Variants in CTNNAL1 observed in about 807,000 individuals in gnomAD.
The protein encoded by CTNNAL1 is catenin alpha like 1.
A neutral mutation model predicts 93.6 loss-of-function variants in CTNNAL1; 69 were observed. The observed-to-expected ratio is 0.74, with a 90% confidence interval of 0.61 to 0.90. The LOEUF is 0.90. Among genes scored for constraint, CTNNAL1 ranks in the 40% least tolerant of loss-of-function variants. CTNNAL1 has a pLI of 0.00. For synonymous variants in CTNNAL1, 286 were observed against 305.4 expected (o/e 0.94, Z 0.66); for missense variants, 836 against 862.0 (o/e 0.97, Z 0.38).
At chr9:108,981,488 A>C (rs1038299978) in intron 6 of CTNNAL1, among the ~76,000 whole-genome samples, 28 of 151,320 alleles carry the variant, frequency 1.9e-4, no homozygotes, top group East Asian at 3.9e-4. Context: ...AAAAAACAAA[A>C]AAAAAAAAAA....
chr9:108,968,283 G>T (rs1351717861), intron 10 of CTNNAL1, among the ~76,000 whole-genome samples: 7 of 152,334 alleles, frequency 4.6e-5, no homozygotes, highest in Middle Eastern at 3.4e-3. Context: ...TTATCCTTTT[G>T]TGAGGCAGAT....
chr9:108,972,578 G>A (rs1306062250), intron 9 of CTNNAL1, 97 bp downstream of exon 9: 2 of 1,094,464 alleles, frequency 1.8e-6, no homozygotes, highest in African/African-American at 3.2e-5. Context: ...AAAATGCTCA[G>A]ATAAATTAAC....
intron 4 of CTNNAL1, among the ~76,000 whole-genome samples, chr9:108,987,277 A>G (rs2132164615): frequency 6.6e-6 from 1 of 151,294 alleles, no homozygotes; most frequent in Middle Eastern, 3.4e-3. Context: ...ACCATTTATT[A>G]AATAGGGAAT....
chr9:108,963,487 A>G (rs530623656), intron 11 of CTNNAL1: 3 of 152,402 alleles, frequency 2.0e-5, no homozygotes, highest in Admixed American at 1.3e-4. Context: ...TGAAAACACT[A>G]TAGGAGATAC....
At chr9:108,988,137 G>A (rs11789547) in intron 4 of CTNNAL1, among the ~76,000 whole-genome samples, 33,310 of 152,062 alleles carry the variant, frequency 0.22, 4,501 homozygotes, top group East Asian at 0.31. Context: ...AGGCTGGAGC[G>A]CAGTGGCGTG....
In CTNNAL1 at chr9:108,955,816, C is replaced by A; in HGVS notation, c.1603G>T (p.Gly535Cys). Residue 535 changes from glycine to cysteine, a missense_variant, in exon 12 of 19, where the codon GGC becomes TGC. By Grantham distance (159) the Gly-to-Cys change is radical (BLOSUM62 -3). Transcript: ENST00000325551. ...VFEGRRGEKY[G>C]YLSLPKPMKN... ...ATTGGCTTTGGAAGTGAAAGGTAGC[C>A]ATACTTCTCTCCTACAAATAACACA... is the stretch of plus-strand genomic sequence containing the variant. 6.2e-7 allele frequency: 1 copy of A among 1,600,716 alleles called. No homozygotes were observed. The highest frequency in any genetic ancestry group is 8.5e-7 in the Non-Finnish European group (1 of 1,173,572).
intron 1 of CTNNAL1, among the ~76,000 whole-genome samples, chr9:109,005,863 C>T (rs760271245): frequency 6.6e-6 from 1 of 152,176 alleles, no homozygotes; most frequent in Admixed American, 6.5e-5. Flanking sequence ...AGCGCCTTCC[C>T]CAGTGCATAA....
At chr9:109,001,560 C>T (rs918120541) in intron 1 of CTNNAL1, among the ~76,000 whole-genome samples, 3 of 152,168 alleles carry the variant, frequency 2.0e-5, no homozygotes, top group Non-Finnish European at 4.4e-5. Context: ...CACTCACTCA[C>T]TCTCTGCAGG....
At chr9:108,986,503 T>C (rs1831612971) in intron 4 of CTNNAL1, among the ~76,000 whole-genome samples, 1 of 152,042 alleles carries the variant, frequency 6.6e-6, no homozygotes, top group African/African-American at 2.4e-5. Context: ...TGCATGTGTC[T>C]TTACAGCAGC....
At chr9:108,960,755 C>G (rs1275758127) in intron 11 of CTNNAL1, among the ~76,000 whole-genome samples, 1 of 152,148 alleles carries the variant, frequency 6.6e-6, no homozygotes, top group Non-Finnish European at 1.5e-5. Flanking sequence ...AAAATAATCT[C>G]AAATTCTAAA....
At chr9:108,970,585 A>T in intron 9 of CTNNAL1, 91 bp from the exon 10 acceptor site, 2 of 1,146,684 alleles carry the variant, frequency 1.7e-6, no homozygotes, top group Non-Finnish European at 1.2e-6. Context: ...AAATTTTACA[A>T]ATAAAATTTC....
rs1213505895 is a variant in CTNNAL1 at position 108,943,008 on chromosome 9, C to G, written c.2092G>C (p.Ala698Pro). ...KCITKTRSMM[A>P]LLVQLLSLCY... ...AGTGAAAGAAGTTGGACTAAGAGAGCCATCATGGATCTTGTCTTCGTAATA... is the reference window on the plus strand; with the variant it reads ...AGTGAAAGAAGTTGGACTAAGAGAGGCATCATGGATCTTGTCTTCGTAATA... The change falls in exon 18 of 19, where the codon GCT (alanine) becomes CCT (proline). Residue 698 changes from alanine to proline, a missense_variant. By Grantham distance (27) the Ala-to-Pro change is conservative. Coordinates refer to ENST00000325551, the MANE Select transcript of CTNNAL1 (RefSeq NM_003798.4). 6.2e-7 allele frequency: 1 copy of G among 1,612,690 alleles called. No individual in the cohort carries two copies. The highest frequency in any genetic ancestry group is 1.1e-5 in the South Asian group (1 of 90,564).
At chr9:109,000,313 G>C (rs562004943) in intron 1 of CTNNAL1, among the ~76,000 whole-genome samples, 1 of 152,200 alleles carries the variant, frequency 6.6e-6, no homozygotes, top group African/African-American at 2.4e-5. Flanking sequence ...ACCACCATTA[G>C]GTTTACAGTA....
intron 9 of CTNNAL1, 66 bp from the exon 10 acceptor site, chr9:108,970,560 T>G (rs1213462989): frequency 7.3e-7 from 1 of 1,360,920 alleles, no homozygotes; most frequent in African/African-American, 1.5e-5. Flanking sequence ...TAGTATCATT[T>G]TATAATTAAA....
At chr9:108,976,514 A>G (rs189140540) in intron 8 of CTNNAL1, among the ~76,000 whole-genome samples, 39 of 152,150 alleles carry the variant, frequency 2.6e-4, no homozygotes, top group Admixed American at 2.6e-3. Flanking sequence ...CAAAATAACT[A>G]TGTCAAAGGA....
intron 7 of CTNNAL1, among the ~76,000 whole-genome samples, 166 bp downstream of exon 7, chr9:108,979,115 T>C (rs1044574420): frequency 2.6e-5 from 4 of 152,118 alleles, no homozygotes; most frequent in African/African-American, 4.8e-5. Context: ...AAGTGCTAGA[T>C]GGGAAGGATA....
intron 1 of CTNNAL1, among the ~76,000 whole-genome samples, chr9:109,000,849 G>C (rs1433296298): frequency 1.3e-5 from 2 of 151,976 alleles, no homozygotes; most frequent in Non-Finnish European, 2.9e-5. Context: ...GTGGAATATA[G>C]GGTTCTGGAA....
At chr9:108,970,208 T>A (rs529396630) in intron 10 of CTNNAL1, among the ~76,000 whole-genome samples, 194 bp downstream of exon 10, 1 of 152,360 alleles carries the variant, frequency 6.6e-6, no homozygotes, top group East Asian at 1.9e-4. Context: ...CAGTCTCCAA[T>A]TTGGCAGATG....
intron 2 of CTNNAL1, among the ~76,000 whole-genome samples, chr9:108,994,518 T>C (rs910406300): frequency 7.9e-5 from 12 of 152,222 alleles, no homozygotes; most frequent in African/African-American, 2.9e-4. Flanking sequence ...ATGATAATTT[T>C]ACTGTCAGAC....
Sources: allele counts gnomAD v4.1 joint callset (sites outside exome capture counted in the v4.1 genomes callset), GRCh38; gene constraint gnomAD v4.1.1; transcripts MANE v1.5; gene names NCBI Gene and HGNC (gene_info 2026-07-23, HGNC 2026-07-21).